ABHD14A: variants seen among roughly 807,000 people sequenced by gnomAD.
ABHD14A encodes the protein protein ABHD14A.
In ABHD14A, 19 loss-of-function variants were observed where a neutral mutation model predicts 27.0. The observed-to-expected ratio is 0.70, with a 90% CI of 0.49 to 1.03. The LOEUF (loss-of-function observed/expected upper bound fraction) is 1.03. Ranked by LOEUF, ABHD14A falls within the 50% of genes least tolerant of loss-of-function variation. The pLI is 0.00. For missense variants in ABHD14A, 311 were observed against 344.6 expected, an observed-to-expected ratio of 0.90 and a Z score of 0.77; for synonymous variants, 148 against 158.8, an observed-to-expected ratio of 0.93 and a Z score of 0.51.
Position 51,978,345 on chromosome 3 carries a change from G to A in ABHD14A, c.368G>A (p.Gly123Asp). 1 of 1,551,662 alleles carries A rather than the reference G, an allele frequency of 6.4e-7. No homozygotes were observed. Among genetic ancestry groups the A allele is most frequent in the South Asian group, 1.2e-5 (1 of 84,056 alleles). Residue 123 changes from glycine (G) to aspartate (D), a missense_variant, in exon 3 of 5, where the codon GGC (glycine) becomes GAC (aspartate). By Grantham distance (94) the Gly-to-Asp change is moderately conservative (BLOSUM62 -1). Coordinates refer to ENST00000273596, the MANE Select transcript of ABHD14A (RefSeq NM_015407.5). ...ACACTGCAGCTACTGTCACAGAGGG[G>A]CTACCGGGCCGTGGCCCTTGACCTT... is the stretch of plus-strand genomic sequence containing the variant. ...LGTLQLLSQR[G>D]YRAVALDLPG...
At chr3:51,976,218 C>T (rs1700785532) in intron 1 of ABHD14A, among the ~76,000 whole-genome samples, 1 of 152,248 alleles carries the variant, frequency 6.6e-6, no homozygotes, top group Non-Finnish European at 1.5e-5. Flanking sequence ...CCTGGTTTTC[C>T]AGAAACAGCA....
At chr3:51,975,446 T>A (rs1700767704) in intron 1 of ABHD14A, among the ~76,000 whole-genome samples, 2 of 131,822 alleles carry the variant, frequency 1.5e-5, no homozygotes, top group South Asian at 5.9e-4. Context: ...TTCTGCGCGC[T>A]TATATTTTTG....
chr3:51,979,055 T>C (rs574646871), intron 3 of ABHD14A: 1 of 195,256 alleles, frequency 5.1e-6, no homozygotes, highest in East Asian at 1.6e-4. Context: ...GTGCCGCATT[T>C]CTCTCCCTCT....
chr3:51,977,702 A>G (rs1020889171), intron 1 of ABHD14A, among the ~76,000 whole-genome samples, 169 bp from the exon 2 acceptor site: 3 of 152,250 alleles, frequency 2.0e-5, no homozygotes, highest in African/African-American at 7.2e-5. Flanking sequence ...TTGCCCTGGC[A>G]TGTGGAGTAG....
At chr3:51,978,126 GGGA>G in intron 2 of ABHD14A, 44 bp downstream of exon 2, 2 of 1,583,422 alleles carry the variant, frequency 1.3e-6, no homozygotes, top group Non-Finnish European at 1.7e-6. Flanking sequence ...TAGGCTCAAG[GGGA>G]GTCCCTGTGT....
intron 4 of ABHD14A, 45 bp downstream of exon 4, chr3:51,980,673 C>T: frequency 6.3e-7 from 1 of 1,590,974 alleles, no homozygotes; most frequent in Non-Finnish European, 8.6e-7. Flanking sequence ...CTGTCTGTGG[C>T]TTGGGGGGGT....
At chr3:51,980,017 G>C (rs451154) in intron 3 of ABHD14A, among the ~76,000 whole-genome samples, 1 of 151,762 alleles carries the variant, frequency 6.6e-6, no homozygotes, top group African/African-American at 2.4e-5. Context: ...CGCCCCCCGG[G>C]GTTCATGCCA....
intron 3 of ABHD14A, among the ~76,000 whole-genome samples, chr3:51,979,473 C>T (rs933319971): frequency 4.8e-5 from 7 of 146,264 alleles, no homozygotes; most frequent in African/African-American, 1.0e-4. Context: ...TTGTTTGTTT[C>T]TTTTTTTGTT....
In ABHD14A at chr3:51,978,362, C is replaced by G. The variant is rs1005605574; in HGVS notation, c.385C>G (p.Leu129Val). The stretch of plus-strand genomic sequence containing the variant: ...ACAGAGGGGCTACCGGGCCGTGGCC[C>G]TTGACCTTCCAGGTGAGCACCCCCA... ...LSQRGYRAVA[L>V]DLPGFGNSAP... Residue 129 changes from leucine (L) to valine (V), a missense_variant, in exon 3 of 5, where the codon CTT becomes GTT. Leu to Val is a conservative substitution (Grantham distance 32, BLOSUM62 1). Transcript: ENST00000273596. The G allele has an allele frequency of 1.9e-6, 3 of 1,551,382 alleles. No individual in the cohort carries two copies. The highest frequency in any genetic ancestry group is 8.7e-7 in the Non-Finnish European group (1 of 1,146,760).
At chr3:51,975,659 T>A (rs1700773755) in intron 1 of ABHD14A, among the ~76,000 whole-genome samples, 1 of 152,110 alleles carries the variant, frequency 6.6e-6, no homozygotes, top group Non-Finnish European at 1.5e-5. Flanking sequence ...GTTGTGTGTA[T>A]GACCGTGCTT....
intron 1 of ABHD14A, among the ~76,000 whole-genome samples, chr3:51,976,076 C>T (rs1218366304): frequency 1.3e-5 from 2 of 152,232 alleles, no homozygotes; most frequent in Admixed American, 6.5e-5. Context: ...AGCGCGGGGG[C>T]GCCCCGAGTG....
intron 3 of ABHD14A, chr3:51,978,959 A>G (rs1221415667): frequency 3.4e-6 from 1 of 294,962 alleles, no homozygotes. Context: ...GATTTATGCT[A>G]TCATTCTTGT....
At chr3:51,976,633 C>T (rs1700793700) in intron 1 of ABHD14A, among the ~76,000 whole-genome samples, 1 of 152,196 alleles carries the variant, frequency 6.6e-6, no homozygotes, top group African/African-American at 2.4e-5. Context: ...CGAGATTGTA[C>T]CACTGCACTC....
chr3:51,976,956 C>T (rs933864221), intron 1 of ABHD14A, among the ~76,000 whole-genome samples: 1 of 152,118 alleles, frequency 6.6e-6, no homozygotes, highest in African/African-American at 2.4e-5. Context: ...TTGGAGGAGT[C>T]CACGAAGCAG....
chr3:51,980,239 C>G (rs200799556), intron 3 of ABHD14A, 154 bp from the exon 4 acceptor site: 1 of 751,946 alleles, frequency 1.3e-6, no homozygotes, highest in African/African-American at 1.7e-5. Flanking sequence ...GCTTTTCTAA[C>G]AGGCATATTA....
At position 51,981,174 on chromosome 3, in the gene ABHD14A, A is replaced by C; in HGVS notation, c.*156A>C. 1 of 786,082 alleles carries C rather than the reference A, an allele frequency of 1.3e-6. No homozygotes were observed. Among genetic ancestry groups the C allele is most frequent in the African/African-American group, 1.7e-5 (1 of 57,500 alleles). The allele number at this position is 786,082 out of a possible 1,614,324, so 48.7% of individuals were successfully genotyped here. A position where few individuals can be genotyped will look rare whatever the true frequency, so the allele number is the denominator to read the frequency against. ...TTTCATCTCACAGACACAATAAAAA[A>C]GCATATTTGTCCTGCCTGGGAAGTG... On this transcript the variant is annotated 3_prime_UTR_variant, in exon 5 of 5. Coordinates refer to ENST00000273596, the MANE Select transcript of ABHD14A (RefSeq NM_015407.5).
Position 51,978,278 on chromosome 3 carries a change from C to T in ABHD14A, c.301C>T (p.His101Tyr). 6.4e-7 allele frequency: 1 copy of T among 1,551,524 alleles called. No individual in the cohort carries two copies. Among genetic ancestry groups the T allele is most frequent in the Non-Finnish European group, 8.7e-7 (1 of 1,146,762 alleles). The change falls in exon 3 of 5, where the codon CAT becomes TAT. Residue 101 changes from histidine (H) to tyrosine (Y), a missense_variant. Physicochemically the swap from His to Tyr is moderately conservative, Grantham distance 83 (BLOSUM62 2). Coordinates refer to ENST00000273596, the MANE Select transcript of ABHD14A (RefSeq NM_015407.5). The stretch of plus-strand genomic sequence containing the variant: ...CTGCAGGGTGGAGGTGGTGCTGCTT[C>T]ATGGAAAGGCCTTTAACTCTCACAC... Reference protein sequence around the residue: ...QAHRVEVVLLHGKAFNSHTWE... With the variant: ...QAHRVEVVLLYGKAFNSHTWE...
chr3:51,980,732 G>A (rs1559776194), intron 4 of ABHD14A, 104 bp downstream of exon 4: 2 of 1,555,192 alleles, frequency 1.3e-6, no homozygotes, highest in Middle Eastern at 1.8e-4. Context: ...CCCTGACCTT[G>A]GATGGAAGAG....
intron 3 of ABHD14A, 39 bp from the exon 4 acceptor site, chr3:51,980,354 T>TCCCAGTGCCCCTC: frequency 6.3e-7 from 1 of 1,599,560 alleles, no homozygotes. Flanking sequence ...CTGTGCCCCT[T>TCCCAGTGCCCCTC]CCCAGTGCCC....
Sources: allele counts gnomAD v4.1 joint callset (sites outside exome capture counted in the v4.1 genomes callset), GRCh38; gene constraint gnomAD v4.1.1; transcripts MANE v1.5; gene names NCBI Gene and HGNC (gene_info 2026-07-23, HGNC 2026-07-21).